The following ITSN1 variants were observed in gnomAD, a reference collection of about 807,000 sequenced individuals.
ITSN1 encodes intersectin-1.
In ITSN1, 58 loss-of-function variants were observed where a neutral mutation model predicts 239.8. The observed-to-expected ratio is 0.24, with a 90% CI of 0.20 to 0.30. The LOEUF is 0.30. Among genes scored for constraint, ITSN1 ranks in the 10% least tolerant of loss-of-function variants. The pLI is 1.00. For missense variants in ITSN1, 1,558 were observed against 2,103.3 expected, an observed-to-expected ratio of 0.74 and a Z score of 5.07; for synonymous variants, 780 against 770.8, an observed-to-expected ratio of 1.01 and a Z score of -0.20.
intron 33 of ITSN1, among the ~76,000 whole-genome samples, chr21:33,867,928 T>G (rs1981929569): frequency 6.6e-6 from 1 of 152,240 alleles, no homozygotes; most frequent in Non-Finnish European, 1.5e-5. Context: ...GGGCTCGTGG[T>G]CTCGCTAGCT....
At chr21:33,731,763 A>G (rs2066201138) in intron 4 of ITSN1, among the ~76,000 whole-genome samples, 1 of 152,198 alleles carries the variant, frequency 6.6e-6, no homozygotes, top group African/African-American at 2.4e-5. Context: ...TACAGTAACC[A>G]TTTCTAATAA....
chr21:33,705,474 G>A (rs868220996), intron 1 of ITSN1, among the ~76,000 whole-genome samples: 1 of 152,028 alleles, frequency 6.6e-6, no homozygotes, highest in Non-Finnish European at 1.5e-5. Context: ...TGCAAGCTCT[G>A]CCTCCTGGGT....
At position 33,718,722 on chromosome 21, in the gene ITSN1, A is replaced by G. The variant is rs376338514; in HGVS notation, c.-32-75A>G. On this transcript the variant is annotated intron_variant, in intron 1 of 39. Transcript: ENST00000381318. ...AGTATTAGTCCTCTGACCATTAAAG[A>G]TAGCATGTTGGTGTGTTTATGATTA... 4.9e-5 allele frequency: 45 copies of G among 921,842 alleles called. No individual in the cohort carries two copies. In the Middle Eastern group the frequency reaches 1.5e-3, roughly 31 times the overall value. 57.1% of individuals were successfully genotyped at this position (921,842 alleles called of 1,614,324 possible).
chr21:33,718,682 C>T (rs532875394), intron 1 of ITSN1, 115 bp from the exon 2 acceptor site: 82 of 715,106 alleles, frequency 1.1e-4, no homozygotes, highest in Non-Finnish European at 1.7e-4. Flanking sequence ...AATTGTAGAG[C>T]TATGCTCTGG....
intron 1 of ITSN1, among the ~76,000 whole-genome samples, chr21:33,679,696 T>C (rs896343602): frequency 2.0e-4 from 25 of 125,520 alleles, no homozygotes; most frequent in African/African-American, 6.5e-4. Context: ...TTGATCCTTA[T>C]CCTTTTTTTT....
At chr21:33,645,046 G>A (rs990353658) in intron 1 of ITSN1, among the ~76,000 whole-genome samples, 1 of 151,930 alleles carries the variant, frequency 6.6e-6, no homozygotes, top group African/African-American at 2.4e-5. Flanking sequence ...GGTCTAAAAC[G>A]CCTACCTTAA....
intron 27 of ITSN1, among the ~76,000 whole-genome samples, chr21:33,832,060 G>C (rs1343365764): frequency 3.9e-5 from 6 of 152,180 alleles, no homozygotes; most frequent in Admixed American, 3.3e-4. Context: ...CCAGGGGAAG[G>C]CTTCCTGCGG....
intron 14 of ITSN1, among the ~76,000 whole-genome samples, chr21:33,775,818 TAA>T: frequency 6.6e-6 from 1 of 152,216 alleles, no homozygotes; most frequent in Non-Finnish European, 1.5e-5. Flanking sequence ...ATATGTATAC[TAA>T]ATAGTTGGAG....
intron 33 of ITSN1, among the ~76,000 whole-genome samples, chr21:33,872,556 G>A (rs893673358): frequency 6.6e-6 from 1 of 152,004 alleles, no homozygotes; most frequent in Admixed American, 6.6e-5. Flanking sequence ...TTTTGAGACA[G>A]AGTCTCGCTC....
intron 29 of ITSN1, among the ~76,000 whole-genome samples, chr21:33,851,022 G>A (rs1201843179): frequency 6.6e-6 from 1 of 152,142 alleles, no homozygotes; most frequent in African/African-American, 2.4e-5. Flanking sequence ...GAGACAAAAG[G>A]GAAAGGTAGA....
chr21:33,784,173 T>TA (rs903693332), intron 16 of ITSN1, among the ~76,000 whole-genome samples: 18 of 152,042 alleles, frequency 1.2e-4, no homozygotes, highest in Admixed American at 3.3e-4. Flanking sequence ...ATGATGAGTT[T>TA]AAAAAAAATC....
chr21:33,860,882 C>T (rs764797291), intron 31 of ITSN1, among the ~76,000 whole-genome samples: 57 of 152,260 alleles, frequency 3.7e-4, no homozygotes, highest in East Asian at 3.9e-4. Flanking sequence ...CTACCATGCA[C>T]GGTCATTCTG....
chr21:33,836,714 C>A, intron 29 of ITSN1, 82 bp downstream of exon 29: 2 of 1,196,256 alleles, frequency 1.7e-6, no homozygotes, highest in Non-Finnish European at 2.4e-6. Context: ...TTCTGCTGAG[C>A]TTTGTTTGCA....
chr21:33,644,620 A>T (rs950401807), intron 1 of ITSN1, among the ~76,000 whole-genome samples: 1 of 152,046 alleles, frequency 6.6e-6, no homozygotes, highest in African/African-American at 2.4e-5. Flanking sequence ...GAGTGGTAGC[A>T]AGTTAGTTCT....
chr21:33,885,282 A>AGG (rs1435291787), intron 37 of ITSN1, among the ~76,000 whole-genome samples, 157 bp from the exon 38 acceptor site: 2 of 152,144 alleles, frequency 1.3e-5, no homozygotes, highest in African/African-American at 4.8e-5. Flanking sequence ...ATGGGGATGG[A>AGG]GGGCAAATTC....
chr21:33,714,285 T>C (rs904745596), intron 1 of ITSN1, among the ~76,000 whole-genome samples: 1 of 152,192 alleles, frequency 6.6e-6, no homozygotes, highest in Non-Finnish European at 1.5e-5. Flanking sequence ...CGGGCTTTAA[T>C]TGGGGAGGGA....
At chr21:33,713,994 C>T (rs994155429) in intron 1 of ITSN1, among the ~76,000 whole-genome samples, 4 of 151,968 alleles carry the variant, frequency 2.6e-5, no homozygotes, top group African/African-American at 4.8e-5. Flanking sequence ...GCCACCACAC[C>T]GGGCTAATTT....
intron 29 of ITSN1, among the ~76,000 whole-genome samples, chr21:33,840,258 ATCTT>A (rs763020698): frequency 6.6e-6 from 1 of 152,230 alleles, no homozygotes; most frequent in African/African-American, 2.4e-5. Flanking sequence ...GAAAGAAAGC[ATCTT>A]TCTTCTAATA....
Position 33,721,182 on chromosome 21 carries a change from C to T in ITSN1, c.33C>T (p.Ser11=). MAQFPTPFGG[S]LDIWAITVEE... ...TGTCTTTTCTTTGGATTTTAGGCAG[C>T]CTGGATATCTGGGCCATAACTGTAG... is the stretch of plus-strand genomic sequence containing the variant. Residue 11 remains serine (S), a synonymous_variant, in exon 3 of 40, where the codon AGC becomes AGT. Transcript: ENST00000381318. 1.2e-6 allele frequency: 2 copies of T among 1,611,114 alleles called. No homozygotes were observed. Among genetic ancestry groups the T allele is most frequent in the Non-Finnish European group, 8.5e-7 (1 of 1,177,392 alleles).
Sources: allele counts gnomAD v4.1 joint callset (sites outside exome capture counted in the v4.1 genomes callset), GRCh38; gene constraint gnomAD v4.1.1; transcripts MANE v1.5; gene names NCBI Gene and HGNC (gene_info 2026-07-23, HGNC 2026-07-21).